Variants in DNAJC3 observed in about 807,000 individuals in gnomAD.
The protein encoded by DNAJC3 is DnaJ heat shock protein family (Hsp40) member C3.
Under a neutral mutation model 68.6 loss-of-function variants are expected in DNAJC3, and 38 were observed. The observed-to-expected ratio is 0.55, with a 90% confidence interval of 0.43 to 0.73. DNAJC3 has a LOEUF of 0.73. Among genes scored for constraint, DNAJC3 ranks in the 30% least tolerant of loss-of-function variants. The probability of loss-of-function intolerance (pLI) is 0.00; values close to 1 mark genes in which losing one functional copy is unlikely to be tolerated. For missense variants in DNAJC3, 526 were observed against 591.9 expected (o/e 0.89, Z 1.16); for synonymous variants, 203 against 204.0 (o/e 1.00, Z 0.04).
intron 9 of DNAJC3, among the ~76,000 whole-genome samples, chr13:95,764,683 T>TATATATAC (rs36030034): frequency 1.7e-3 from 149 of 88,208 alleles, no homozygotes; most frequent in East Asian, 3.1e-3. Flanking sequence ...TATATATATA[T>TATATATAC]ACACACACAC....
chr13:95,718,433 G>A (rs978110143), intron 2 of DNAJC3, among the ~76,000 whole-genome samples: 7 of 152,160 alleles, frequency 4.6e-5, no homozygotes, highest in South Asian at 2.1e-4. Flanking sequence ...ACGGAGTCTC[G>A]CAGTGTCACC....
At chr13:95,754,214 C>T (rs997456954) in intron 4 of DNAJC3, among the ~76,000 whole-genome samples, 41 of 152,296 alleles carry the variant, frequency 2.7e-4, no homozygotes, top group South Asian at 8.3e-4. Context: ...AAACGATCCG[C>T]CCCTAAACTT....
intron 4 of DNAJC3, among the ~76,000 whole-genome samples, chr13:95,754,575 A>G (rs61975194): frequency 6.6e-6 from 1 of 152,102 alleles, no homozygotes; most frequent in African/African-American, 2.4e-5. Flanking sequence ...GGCTGGGTGC[A>G]GTGGCTCACG....
At chr13:95,708,668 C>G (rs779673461) in intron 1 of DNAJC3, among the ~76,000 whole-genome samples, 2 of 152,118 alleles carry the variant, frequency 1.3e-5, no homozygotes, top group African/African-American at 2.4e-5. Flanking sequence ...AACTCCTTAC[C>G]TCTTCACATG....
chr13:95,733,821 C>G (rs1030058944), intron 4 of DNAJC3, among the ~76,000 whole-genome samples: 10 of 151,098 alleles, frequency 6.6e-5, no homozygotes, highest in Admixed American at 6.6e-4. Flanking sequence ...GTCTTCTGTC[C>G]CTTTACTTTT....
chr13:95,689,659 A>T (rs1880175599), intron 1 of DNAJC3, among the ~76,000 whole-genome samples: 5 of 141,004 alleles, frequency 3.5e-5, no homozygotes, highest in Admixed American at 6.9e-5. Flanking sequence ...TTTTATTCTT[A>T]TTTTTCTAGT....
intron 1 of DNAJC3, among the ~76,000 whole-genome samples, chr13:95,691,342 G>A (rs1199313663): frequency 2.0e-5 from 3 of 151,212 alleles, no homozygotes; most frequent in African/African-American, 7.3e-5. Flanking sequence ...CTCAGACGGG[G>A]CGGTTGCCAG....
At chr13:95,742,958 G>C in intron 4 of DNAJC3, 1 of 444,392 alleles carries the variant, frequency 2.3e-6, no homozygotes, top group Non-Finnish European at 4.5e-6. Context: ...TTTGTATGAT[G>C]GTATGAGGTT....
intron 4 of DNAJC3, among the ~76,000 whole-genome samples, chr13:95,748,861 A>G (rs1242885999): frequency 2.0e-5 from 3 of 152,322 alleles, no homozygotes; most frequent in Non-Finnish European, 4.4e-5. Context: ...TTTTAAAAGA[A>G]TACTCAAAGT....
At chr13:95,736,136 A>G (rs1222406068) in intron 4 of DNAJC3, among the ~76,000 whole-genome samples, 7 of 152,020 alleles carry the variant, frequency 4.6e-5, no homozygotes, top group African/African-American at 1.7e-4. Context: ...AGTTGTAGAT[A>G]TGCGGCGTTA....
intron 4 of DNAJC3, among the ~76,000 whole-genome samples, chr13:95,756,780 T>TA (rs1338860662): frequency 1.3e-5 from 2 of 152,094 alleles, no homozygotes; most frequent in Non-Finnish European, 2.9e-5. Flanking sequence ...CCCTCAGGCT[T>TA]AAAAAAATGT....
At chr13:95,726,391 A>G (rs187088874) in intron 4 of DNAJC3, among the ~76,000 whole-genome samples, 8 of 152,124 alleles carry the variant, frequency 5.3e-5, no homozygotes, top group Admixed American at 3.3e-4. Context: ...TTGGTATCTC[A>G]TTGTGGTTTT....
intron 4 of DNAJC3, among the ~76,000 whole-genome samples, chr13:95,731,666 T>C (rs1311592733): frequency 6.6e-6 from 1 of 152,120 alleles, no homozygotes. Context: ...TGGTGTCTTA[T>C]GTTTTCTGGT....
At chr13:95,733,657 C>T (rs889018557) in intron 4 of DNAJC3, among the ~76,000 whole-genome samples, 3 of 149,428 alleles carry the variant, frequency 2.0e-5, no homozygotes, top group South Asian at 2.1e-4. Context: ...GCCCTGGCCT[C>T]GCAAAGTGCT....
intron 1 of DNAJC3, among the ~76,000 whole-genome samples, chr13:95,703,248 T>C (rs1462889512): frequency 3.9e-5 from 6 of 152,246 alleles, no homozygotes; most frequent in Non-Finnish European, 7.3e-5. Context: ...AACTTACAGC[T>C]AATGGCAGTG....
chr13:95,748,226 CTG>C (rs1399438977), intron 4 of DNAJC3, among the ~76,000 whole-genome samples: 2 of 152,094 alleles, frequency 1.3e-5, no homozygotes, highest in Admixed American at 6.5e-5. Context: ...TTTCATATAA[CTG>C]TATTTTTTTA....
rs545265390 is a variant in DNAJC3 at position 95,710,993 on chromosome 13, G to A, written c.193+1656G>A. Among the ~76,000 whole-genome samples, 171 of 152,208 alleles carry A rather than the reference G, an allele frequency of 1.1e-3. 2 individuals carry two copies. Among genetic ancestry groups the A allele is most frequent in the African/African-American group, 4.0e-3 (166 of 41,546 alleles). On this transcript the variant is annotated intron_variant, in intron 2 of 11. Coordinates refer to ENST00000602402, the MANE Select transcript of DNAJC3 (RefSeq NM_006260.5). ...GTGTGAGCTACCGTGCCCAGCTGGT[G>A]TGTTTTTTAATAAGATACAGCTGTG...
intron 2 of DNAJC3, among the ~76,000 whole-genome samples, chr13:95,713,249 A>G (rs1334477976): frequency 6.6e-6 from 1 of 152,212 alleles, no homozygotes. Context: ...TGAGAAAGGA[A>G]GAAATAAAAC....
At chr13:95,725,116 G>A (rs925774310) in intron 3 of DNAJC3, 62 bp from the exon 4 acceptor site, 4 of 1,160,032 alleles carry the variant, frequency 3.4e-6, no homozygotes, top group South Asian at 4.3e-5. Context: ...TATTCTTCGT[G>A]TTTAAAAAAG....
Sources: allele counts gnomAD v4.1 joint callset (sites outside exome capture counted in the v4.1 genomes callset), GRCh38; gene constraint gnomAD v4.1.1; transcripts MANE v1.5; gene names NCBI Gene and HGNC (gene_info 2026-07-23, HGNC 2026-07-21).